EIF2AK4: variants seen among roughly 807,000 people sequenced by gnomAD.
The protein encoded by EIF2AK4 is eukaryotic translation initiation factor 2 alpha kinase 4.
Under a neutral mutation model 211.1 loss-of-function variants are expected in EIF2AK4, and 139 were observed. The observed-to-expected ratio is 0.66, with a 90% CI of 0.57 to 0.76. The LOEUF is 0.76. Among genes scored for constraint, EIF2AK4 ranks in the 30% least tolerant of loss-of-function variants. The pLI is 0.00. For missense variants in EIF2AK4, 1,664 were observed against 2,043.8 expected (o/e 0.81, Z 3.58); for synonymous variants, 710 against 751.3 (o/e 0.94, Z 0.90).
At chr15:39,993,892 A>C (rs2034984277) in intron 18 of EIF2AK4, among the ~76,000 whole-genome samples, 1 of 152,184 alleles carries the variant, frequency 6.6e-6, no homozygotes, top group South Asian at 2.1e-4. Flanking sequence ...CTGAATTAGG[A>C]AGGGAATTGA....
chr15:40,000,148 G>GT (rs2035071563), intron 20 of EIF2AK4, among the ~76,000 whole-genome samples: 1 of 152,078 alleles, frequency 6.6e-6, no homozygotes, highest in Non-Finnish European at 1.5e-5. Flanking sequence ...GGGTATTCTT[G>GT]TTTTTGTCAG....
rs117506920 is a variant in EIF2AK4 at position 39,947,528 on chromosome 15, G to A, written c.361-1588G>A. On this transcript the variant is annotated intron_variant, in intron 3 of 38. Transcript: ENST00000263791. ...TTAATTTACTCAACAGATATTTATT[G>A]TCTGTGTACCATGTGTCAAGTGCTA... 9.4e-3 allele frequency among the ~76,000 whole-genome samples: 1,433 copies of A among 152,160 alleles called. 17 individuals are homozygous for A. The highest frequency in any genetic ancestry group is 0.028 in the African/African-American group (1,154 of 41,472).
chr15:40,031,246 A>T (rs1034541138), intron 35 of EIF2AK4, among the ~76,000 whole-genome samples: 1 of 152,222 alleles, frequency 6.6e-6, no homozygotes, highest in Admixed American at 6.5e-5. Context: ...TCTCAAAATA[A>T]AATAACTACA....
intron 33 of EIF2AK4, among the ~76,000 whole-genome samples, chr15:40,026,555 A>G (rs747690750): frequency 2.6e-5 from 4 of 152,226 alleles, no homozygotes; most frequent in Non-Finnish European, 4.4e-5. Flanking sequence ...GAATAACTCA[A>G]TCAGGAGTTT....
At chr15:39,946,934 T>C in intron 3 of EIF2AK4, 1 of 409,882 alleles carries the variant, frequency 2.4e-6, no homozygotes. Context: ...TATTTCACAC[T>C]TAATAGACTA....
chr15:39,935,434 AT>A lies in EIF2AK4; in HGVS notation c.144+1096del, dbSNP rs545470092. ...GCTCACTGCAGCTTATTCTCAAGCA[AT>A]CCTTCTGCCTCAGCCTGTCAAGTAC... is the stretch of plus-strand genomic sequence containing the variant. On this transcript the variant is annotated intron_variant, in intron 1 of 38. Coordinates refer to ENST00000263791, the MANE Select transcript of EIF2AK4 (RefSeq NM_001013703.4). Among the ~76,000 whole-genome samples the A allele has an allele frequency of 5.9e-5, 9 of 151,970 alleles. No homozygotes were observed. The East Asian group carries it at 1.7e-3, about 29-fold the overall frequency.
chr15:40,007,965 T>G (rs2035183392), intron 24 of EIF2AK4, 62 bp from the exon 25 acceptor site: 1 of 1,271,640 alleles, frequency 7.9e-7, no homozygotes, highest in Non-Finnish European at 1.1e-6. Context: ...TGTTCAACAA[T>G]TTCTTATACA....
chr15:40,001,073 C>T lies in EIF2AK4; in HGVS notation c.3008C>T (p.Pro1003Leu), dbSNP rs1248296440. 7.4e-6 allele frequency: 12 copies of T among 1,614,100 alleles called. No individual in the cohort carries two copies. The highest frequency in any genetic ancestry group is 1.0e-5 in the Non-Finnish European group (12 of 1,180,054). Residue 1003 changes from proline to leucine, a missense_variant, in exon 21 of 39, where the codon CCA becomes CTA. Pro to Leu is a moderately conservative substitution (Grantham distance 98). Around this residue, in one of 7 missense-constraint regions of EIF2AK4, gnomAD observed 622 missense variants for 796.8 expected, o/e 0.78. Coordinates refer to ENST00000263791, the MANE Select transcript of EIF2AK4 (RefSeq NM_001013703.4). ...CTGCTCAAGAGTGAGCTGCTGCCCC[C>T]ACCCCAGATGGAGGAGTCAGAGCTG... ...TELLKSELLP[P>L]PQMEESELHE...
intron 11 of EIF2AK4, 102 bp from the exon 12 acceptor site, chr15:39,976,312 C>A: frequency 7.9e-7 from 1 of 1,270,680 alleles, no homozygotes; most frequent in Non-Finnish European, 1.1e-6. Context: ...CTGTGGGACT[C>A]ATTTAGAACT....
chr15:39,965,020 T>C (rs1244032171), intron 7 of EIF2AK4, among the ~76,000 whole-genome samples: 3 of 152,220 alleles, frequency 2.0e-5, no homozygotes, highest in Non-Finnish European at 4.4e-5. Context: ...GTCATTTTAG[T>C]TGGTATTTAG....
intron 4 of EIF2AK4, chr15:39,951,421 T>C (rs1457980739): frequency 1.3e-5 from 4 of 304,906 alleles, no homozygotes; most frequent in African/African-American, 4.6e-5. Flanking sequence ...TTCAGCACAA[T>C]TGTTACATGT....
chr15:40,012,346 T>C (rs1253966359), intron 27 of EIF2AK4, among the ~76,000 whole-genome samples: 3 of 152,202 alleles, frequency 2.0e-5, no homozygotes, highest in African/African-American at 7.2e-5. Context: ...ATCACCCCTT[T>C]GCGGGTAGGG....
At chr15:39,978,783 A>G (rs1321670017) in intron 13 of EIF2AK4, among the ~76,000 whole-genome samples, 1 of 152,218 alleles carries the variant, frequency 6.6e-6, no homozygotes, top group Non-Finnish European at 1.5e-5. Flanking sequence ...TGTGTTTTCA[A>G]TGGAGAAATA....
At chr15:40,032,644 T>A in intron 36 of EIF2AK4, 113 bp from the exon 37 acceptor site, 8 of 907,246 alleles carry the variant, frequency 8.8e-6, no homozygotes, top group Non-Finnish European at 1.4e-5. Context: ...TACAGCACAA[T>A]AGCATCTCAG....
chr15:40,003,161 G>A, intron 22 of EIF2AK4, 32 bp from the exon 23 acceptor site: 1 of 1,611,430 alleles, frequency 6.2e-7, no homozygotes, highest in African/African-American at 1.3e-5. Flanking sequence ...ATGTGAACCT[G>A]ATGATGAGCT....
At chr15:40,009,518 G>A in intron 25 of EIF2AK4, 96 bp from the exon 26 acceptor site, 2 of 710,416 alleles carry the variant, frequency 2.8e-6, no homozygotes, top group South Asian at 3.6e-5. Context: ...TCCTTCCATT[G>A]TGTTAGGATG....
intron 27 of EIF2AK4, 133 bp from the exon 28 acceptor site, chr15:40,016,369 T>C (rs2035302620): frequency 8.7e-7 from 1 of 1,147,028 alleles, no homozygotes; most frequent in South Asian, 1.5e-5. Flanking sequence ...TGGCAAAGCC[T>C]AAAATAATCT....
rs762356933 is a variant in EIF2AK4, at chr15:39,953,944, A to C, written c.554A>C (p.Glu185Ala). The C allele has an allele frequency of 6.2e-7, 1 of 1,609,184 alleles. No homozygotes were observed. The highest frequency in any genetic ancestry group is 8.5e-7 in the Non-Finnish European group (1 of 1,178,872). ...CATGAGATTCAGAGAAGGAAAGAAG[A>C]GATAAAAGAAGAGAAAAAAAGGAAA... Reference protein sequence around the residue: ...ILHEIQRRKEEIKEEKKRKEM... With the variant: ...ILHEIQRRKEAIKEEKKRKEM... The change falls in exon 5 of 39, where the codon GAG becomes GCG. Residue 185 changes from glutamate (E) to alanine (A), a missense_variant. Physicochemically the swap from Glu to Ala is moderately radical, Grantham distance 107. This residue lies in a region of EIF2AK4 where 641 missense variants were observed against 729.6 expected (regional missense o/e 0.88). Coordinates refer to ENST00000263791, the MANE Select transcript of EIF2AK4 (RefSeq NM_001013703.4).
chr15:39,992,903 G>C (rs2034964879), intron 18 of EIF2AK4, 55 bp downstream of exon 18: 9 of 1,547,668 alleles, frequency 5.8e-6, no homozygotes, highest in Non-Finnish European at 8.0e-6. Flanking sequence ...AGGACATCTA[G>C]ATCACAGCAT....
Sources: allele counts gnomAD v4.1 joint callset (sites outside exome capture counted in the v4.1 genomes callset), GRCh38; gene constraint gnomAD v4.1.1; regional missense constraint gnomAD v4.1.1; transcripts MANE v1.5; gene names NCBI Gene and HGNC (gene_info 2026-07-23, HGNC 2026-07-21).